LASP1: variants seen among roughly 807,000 people sequenced by gnomAD.
LASP1 encodes the protein LIM and SH3 protein 1, also known as LIM and SH3 domain protein 1.
A neutral mutation model predicts 38.6 loss-of-function variants in LASP1; 10 were observed. That is an observed-to-expected ratio of 0.26 (90% CI 0.16 to 0.44). The LOEUF (loss-of-function observed/expected upper bound fraction) is 0.44, where lower values mean the gene tolerates loss of function less well. LASP1 is among the 20% of genes least tolerant of loss of function. The pLI is 1.00. For missense variants in LASP1, 243 were observed against 375.7 expected (o/e 0.65, Z 2.92); for synonymous variants, 132 against 140.8 (o/e 0.94, Z 0.44).
At chr17:38,887,559 G>C (rs1441122316) in intron 2 of LASP1, among the ~76,000 whole-genome samples, 2 of 152,224 alleles carry the variant, frequency 1.3e-5, no homozygotes, top group Non-Finnish European at 2.9e-5. Context: ...ACCTGTGTTT[G>C]CCTTTCCTCA....
rs191183720 is a variant in LASP1, at chr17:38,910,961, G to A, written c.358-3364G>A. Among the ~76,000 whole-genome samples the A allele has an allele frequency of 3.3e-5, 5 of 152,200 alleles. No individual in the cohort carries two copies. The East Asian group carries it at 9.6e-4, about 29-fold the overall frequency. ...TGGTCTCAAACTCCTGACCTCAGGTGATCCACCAGCCTCAGCCTCCCAAAG... is the reference window on the plus strand; with the variant it reads ...TGGTCTCAAACTCCTGACCTCAGGTAATCCACCAGCCTCAGCCTCCCAAAG... On this transcript the variant is annotated intron_variant, in intron 4 of 6. Coordinates refer to ENST00000318008, the MANE Select transcript of LASP1 (RefSeq NM_006148.4).
Position 38,878,130 on chromosome 17 carries a change from A to G in LASP1, c.114A>G (p.Thr38=). The G allele has an allele frequency of 1.9e-6, 3 of 1,613,966 alleles. No homozygotes were observed. The highest frequency in any genetic ancestry group is 2.5e-6 in the Non-Finnish European group (3 of 1,179,930). ...TCCATTGCGAGACCTGCAAGATGAC[A>G]CTGAACATGAAGAACTACAAGGGCT... ...ACFHCETCKM[T]LNMKNYKGYE... The change falls in exon 2 of 7, where the codon ACA becomes ACG. Residue 38 remains threonine, a synonymous_variant. Coordinates refer to ENST00000318008, the MANE Select transcript of LASP1 (RefSeq NM_006148.4).
rs943129662 is a variant in LASP1 at position 38,870,089 on chromosome 17, C to T, written c.-101C>T. 6.2e-6 allele frequency: 8 copies of T among 1,293,132 alleles called. No homozygotes were observed. In the East Asian group the frequency reaches 1.2e-4, roughly 19 times the overall value. The allele number at this position is 1,293,132 out of a possible 1,614,324, so 80.1% of individuals were successfully genotyped here. A position where few individuals can be genotyped will look rare whatever the true frequency, so the allele number is the denominator to read the frequency against. ...TCCCCAGCTCCAGCCGCCGTCGCTGCTGCCTGTGTAGTTGCAGCCGCGGCC... is the reference window on the plus strand; with the variant it reads ...TCCCCAGCTCCAGCCGCCGTCGCTGTTGCCTGTGTAGTTGCAGCCGCGGCC... On this transcript the variant is annotated 5_prime_UTR_variant, in exon 1 of 7. Coordinates refer to ENST00000318008, the MANE Select transcript of LASP1 (RefSeq NM_006148.4).
chr17:38,895,235 C>T (rs1914452888), intron 3 of LASP1, among the ~76,000 whole-genome samples: 1 of 151,294 alleles, frequency 6.6e-6, no homozygotes, highest in African/African-American at 2.4e-5. Flanking sequence ...GTCTCGAACT[C>T]CTGGGCTCGA....
Position 38,914,356 on chromosome 17 carries a change from G to T in LASP1, c.389G>T (p.Arg130Leu). 1 of 1,611,520 alleles carries T rather than the reference G, an allele frequency of 6.2e-7. No homozygotes were observed. Among genetic ancestry groups the T allele is most frequent in the Non-Finnish European group, 8.5e-7 (1 of 1,179,590 alleles). The change falls in exon 5 of 7, where the codon CGC (arginine) becomes CTC (leucine). Residue 130 changes from arginine (R) to leucine (L), a missense_variant. By Grantham distance (102) the Arg-to-Leu change is moderately radical (BLOSUM62 -2). Around this residue, in one of 4 missense-constraint regions of LASP1, gnomAD observed 165 missense variants for 210.3 expected, o/e 0.78. Coordinates refer to ENST00000318008, the MANE Select transcript of LASP1 (RefSeq NM_006148.4). ...IKYHEEFEKSRMGPSGGEGME... is the reference protein window; with the variant it reads ...IKYHEEFEKSLMGPSGGEGME... ...TACCATGAGGAGTTTGAGAAGAGCC[G>T]CATGGGCCCTAGCGGGGGCGAGGGC... is the stretch of plus-strand genomic sequence containing the variant.
At chr17:38,917,683 GT>G (rs113458340) in intron 6 of LASP1, among the ~76,000 whole-genome samples, 48 of 148,074 alleles carry the variant, frequency 3.2e-4, no homozygotes, top group African/African-American at 1.0e-3. Context: ...TGTTTTTTCT[GT>G]TTTTTTTTTC....
At position 38,911,870 on chromosome 17, in the gene LASP1, C is replaced by T. The variant is rs1375870233; in HGVS notation, c.358-2455C>T. ...GTATAGTGGCATGATCTTGGCTCAC[C>T]GCAACCTCTGCCTCCCAGGTTCAAG... On this transcript the variant is annotated intron_variant, in intron 4 of 6. Transcript: ENST00000318008. 6.6e-5 allele frequency among the ~76,000 whole-genome samples: 10 copies of T among 152,134 alleles called. 1 individual carries two copies. The highest frequency in any genetic ancestry group is 3.9e-4 in the Admixed American group (6 of 15,286).
chr17:38,889,405 C>G (rs1914238429), intron 2 of LASP1, among the ~76,000 whole-genome samples: 1 of 152,162 alleles, frequency 6.6e-6, no homozygotes, highest in Non-Finnish European at 1.5e-5. Context: ...GCTGGGATTA[C>G]AGGCATGAGC....
intron 3 of LASP1, 146 bp from the exon 4 acceptor site, chr17:38,898,265 CT>C (rs1914543292): frequency 1.7e-6 from 1 of 584,918 alleles, no homozygotes; most frequent in Non-Finnish European, 3.1e-6. Context: ...GCTGAGGCCT[CT>C]GCTTTGAGTT....
At chr17:38,914,603 C>A in intron 5 of LASP1, 128 bp downstream of exon 5, 1 of 1,216,130 alleles carries the variant, frequency 8.2e-7, no homozygotes, top group Non-Finnish European at 1.1e-6. Flanking sequence ...GCGATTATGC[C>A]TCTTGTGTGC....
intron 2 of LASP1, among the ~76,000 whole-genome samples, chr17:38,885,063 G>T (rs1914076613): frequency 6.6e-6 from 1 of 152,150 alleles, no homozygotes; most frequent in Non-Finnish European, 1.5e-5. Context: ...TCTCATAATG[G>T]CCGAGCTTGG....
At chr17:38,882,009 C>T (rs1913966364) in intron 2 of LASP1, among the ~76,000 whole-genome samples, 1 of 152,178 alleles carries the variant, frequency 6.6e-6, no homozygotes, top group African/African-American at 2.4e-5. Context: ...AGCTCACTGC[C>T]AGCCCACCTG....
chr17:38,888,943 G>A (rs1410051050), intron 2 of LASP1, among the ~76,000 whole-genome samples: 2 of 152,136 alleles, frequency 1.3e-5, no homozygotes, highest in African/African-American at 4.8e-5. Flanking sequence ...TGAAGAAATC[G>A]TCTGGGCGCA....
At chr17:38,892,420 A>G (rs1914354888) in intron 3 of LASP1, among the ~76,000 whole-genome samples, 1 of 152,150 alleles carries the variant, frequency 6.6e-6, no homozygotes, top group Non-Finnish European at 1.5e-5. Flanking sequence ...GCCATATTTT[A>G]CAGATTCTAG....
intron 4 of LASP1, among the ~76,000 whole-genome samples, chr17:38,910,666 GA>G (rs1343366106): frequency 6.6e-6 from 1 of 151,180 alleles, no homozygotes; most frequent in African/African-American, 2.4e-5. Flanking sequence ...AGATTTTCTG[GA>G]AGGCCCCAGA....
chr17:38,913,366 T>C (rs1162022823), intron 4 of LASP1, among the ~76,000 whole-genome samples: 1 of 152,186 alleles, frequency 6.6e-6, no homozygotes, highest in Non-Finnish European at 1.5e-5. Flanking sequence ...TCTGGCAGTT[T>C]TTATCCCTAA....
In LASP1 at chr17:38,920,160, C is replaced by G. The variant is rs1285063105; in HGVS notation, c.*1382C>G. On this transcript the variant is annotated 3_prime_UTR_variant, in exon 7 of 7. Transcript: ENST00000318008. The stretch of plus-strand genomic sequence containing the variant: ...TGTGGAGTTGGGGCTGCCATAGGGT[C>G]TGCAGCCTGCTGGGGCTAAGCGGTG... 2 of 531,812 alleles carry G rather than the reference C, an allele frequency of 3.8e-6. No homozygotes were observed. Among genetic ancestry groups the G allele is most frequent in the Admixed American group, 4.5e-5 (2 of 44,806 alleles). 32.9% of individuals were successfully genotyped at this position (531,812 alleles called of 1,614,324 possible).
intron 4 of LASP1, among the ~76,000 whole-genome samples, chr17:38,906,279 G>A (rs1169225087): frequency 6.6e-6 from 1 of 151,920 alleles, no homozygotes; most frequent in African/African-American, 2.4e-5. Context: ...TGTAATCCCA[G>A]CACTTTGGCA....
At chr17:38,904,358 C>G (rs535462039) in intron 4 of LASP1, 1 of 152,048 alleles carries the variant, frequency 6.6e-6, no homozygotes, top group Non-Finnish European at 1.5e-5. Flanking sequence ...TTTGGGAGGC[C>G]GAAGCGGGCA....
Sources: gnomAD v4.1 joint callset for allele counts (sites outside exome capture counted in the v4.1 genomes callset) on GRCh38, gnomAD v4.1.1 for gene constraint, gnomAD v4.1.1 regional missense constraint, MANE v1.5 for transcripts, NCBI Gene and HGNC (gene_info 2026-07-23, HGNC 2026-07-21) for gene names.